Variants in SRL observed in about 807,000 individuals in gnomAD.
SRL encodes sarcalumenin.
In SRL, 23 loss-of-function variants were observed where a neutral mutation model predicts 39.5. That is an observed-to-expected ratio of 0.58 (90% confidence interval 0.42 to 0.82). The LOEUF (loss-of-function observed/expected upper bound fraction) is 0.82. Among genes scored for constraint, SRL ranks in the 40% least tolerant of loss-of-function variants. The pLI is 0.00. For synonymous variants in SRL, 272 were observed against 237.4 expected, an observed-to-expected ratio of 1.15 and a Z score of -1.34; for missense variants, 592 against 607.8, an observed-to-expected ratio of 0.97 and a Z score of 0.27.
intron 1 of SRL, among the ~76,000 whole-genome samples, chr16:4,217,169 G>A (rs75827471): frequency 0.011 from 1,619 of 152,214 alleles, 16 homozygotes; most frequent in Non-Finnish European, 0.018. Flanking sequence ...CTTTCTTCCT[G>A]GGGCTGAGGC....
rs1329499228 is a variant in SRL at position 4,192,668 on chromosome 16, G to C, written c.907C>G (p.His303Asp). The change falls in exon 6 of 6, where the codon CAT (histidine) becomes GAT (aspartate). Residue 303 changes from histidine (H) to aspartate (D), a missense_variant. His to Asp is a moderately conservative substitution (Grantham distance 81, BLOSUM62 -1). Transcript: ENST00000399609. The surrounding 1 kb of genome is among the most constrained non-coding windows in gnomAD (Gnocchi z 4.0). ...TCTTCTTGGAGGAACAGTTCCTGAT[G>C]GGTGTCCGGCTTATACTCTTGTGGC... Reference protein sequence around the residue: ...FWPQEYKPDTHQELFLQEEIS... With the variant: ...FWPQEYKPDTDQELFLQEEIS... The C allele has an allele frequency of 3.1e-6, 5 of 1,614,132 alleles. No individual in the cohort carries two copies. The highest frequency in any genetic ancestry group is 4.2e-6 in the Non-Finnish European group (5 of 1,180,038).
chr16:4,221,574 C>T (rs1007967525), intron 1 of SRL, among the ~76,000 whole-genome samples: 3 of 152,176 alleles, frequency 2.0e-5, no homozygotes, highest in South Asian at 2.1e-4. Context: ...CTTAGTGGGC[C>T]GGCCTGGCCA....
intron 1 of SRL, among the ~76,000 whole-genome samples, chr16:4,229,631 T>C (rs1037230126): frequency 6.6e-6 from 1 of 151,250 alleles, no homozygotes; most frequent in Non-Finnish European, 1.5e-5. Context: ...GACTACTAGA[T>C]GGGGGAGTGA....
chr16:4,229,206 A>G (rs1447493271), intron 1 of SRL, among the ~76,000 whole-genome samples: 24 of 152,076 alleles, frequency 1.6e-4, no homozygotes, highest in African/African-American at 5.5e-4. Flanking sequence ...CACTTTGGGA[A>G]GCCGAGGCGG....
At chr16:4,238,740 G>A (rs11861825) in intron 1 of SRL, among the ~76,000 whole-genome samples, 51,131 of 150,476 alleles carry the variant, frequency 0.34, 11,217 homozygotes, top group African/African-American at 0.63. Flanking sequence ...CTCCCCCCTC[G>A]GCCTCTCAAG....
At chr16:4,235,089 GC>G (rs1267191943) in intron 1 of SRL, among the ~76,000 whole-genome samples, 1 of 152,198 alleles carries the variant, frequency 6.6e-6, no homozygotes, top group Admixed American at 6.5e-5. Flanking sequence ...CGGAGCAGGG[GC>G]CCAGCCTGAG....
intron 1 of SRL, among the ~76,000 whole-genome samples, chr16:4,220,907 G>GC (rs1344019804): frequency 2.6e-5 from 4 of 151,978 alleles, no homozygotes; most frequent in Non-Finnish European, 5.9e-5. Flanking sequence ...GATCGCTTGA[G>GC]CCCAGGAGTT....
At chr16:4,209,955 C>A (rs1472679437) in intron 1 of SRL, among the ~76,000 whole-genome samples, 2 of 152,188 alleles carry the variant, frequency 1.3e-5, no homozygotes, top group African/African-American at 4.8e-5. Flanking sequence ...GGGACCCCTT[C>A]CTGCTGGAAT....
At chr16:4,227,731 C>A (rs1175663001) in intron 1 of SRL, among the ~76,000 whole-genome samples, 4 of 152,142 alleles carry the variant, frequency 2.6e-5, no homozygotes, top group African/African-American at 7.2e-5. Context: ...TGTCCTCAGG[C>A]CATGTCACCT....
chr16:4,227,033 CTGAT>C (rs1266136791), intron 1 of SRL, among the ~76,000 whole-genome samples: 2 of 99,918 alleles, frequency 2.0e-5, no homozygotes, highest in Non-Finnish European at 3.9e-5. Flanking sequence ...GAAGAATGGA[CTGAT>C]GGATGGATGG....
chr16:4,194,746 G>A (rs558952783), intron 5 of SRL, among the ~76,000 whole-genome samples: 1 of 152,194 alleles, frequency 6.6e-6, no homozygotes, highest in African/African-American at 2.4e-5. Flanking sequence ...TGGGGAGGTA[G>A]GAGCACCAGG....
intron 1 of SRL, among the ~76,000 whole-genome samples, chr16:4,224,857 A>G (rs1266967007): frequency 6.6e-6 from 1 of 152,246 alleles, no homozygotes; most frequent in Non-Finnish European, 1.5e-5. Flanking sequence ...CCATCAGTAG[A>G]TCAATGGATA....
chr16:4,238,790 T>G (rs1439558219), intron 1 of SRL, among the ~76,000 whole-genome samples: 1 of 129,994 alleles, frequency 7.7e-6, no homozygotes, highest in African/African-American at 3.8e-5. Context: ...ACCGAGCTAT[T>G]TTTTTTTTTT....
chr16:4,234,525 G>A (rs1348078432), intron 1 of SRL, among the ~76,000 whole-genome samples: 1 of 152,188 alleles, frequency 6.6e-6, no homozygotes. Flanking sequence ...GGATGAGGGA[G>A]GCTGAAAATA....
At chr16:4,227,326 T>G (rs2052604760) in intron 1 of SRL, among the ~76,000 whole-genome samples, 1 of 149,926 alleles carries the variant, frequency 6.7e-6, no homozygotes, top group African/African-American at 2.5e-5. Flanking sequence ...GATGCATGGA[T>G]AGATGGGTGG....
At chr16:4,234,073 C>T (rs1260928622) in intron 1 of SRL, among the ~76,000 whole-genome samples, 1 of 152,094 alleles carries the variant, frequency 6.6e-6, no homozygotes, top group Non-Finnish European at 1.5e-5. Flanking sequence ...TGGCTCACTG[C>T]AACTTCGACC....
chr16:4,206,946 T>C, intron 1 of SRL: 1 of 456,002 alleles, frequency 2.2e-6, no homozygotes, highest in South Asian at 1.5e-5. Flanking sequence ...TTCCTGGGGA[T>C]CCCCACCTTC....
intron 1 of SRL, among the ~76,000 whole-genome samples, chr16:4,227,957 C>T (rs557583831): frequency 1.3e-5 from 2 of 152,292 alleles, no homozygotes; most frequent in African/African-American, 2.4e-5. Context: ...AAGGGCTGAG[C>T]GAAGGAGCCC....
rs142310213 is a variant in SRL at position 4,221,072 on chromosome 16, G to A, written c.62-16438C>T. Among the ~76,000 whole-genome samples, 212 of 150,290 alleles carry A rather than the reference G, an allele frequency of 1.4e-3. 1 individual carries two copies. Among genetic ancestry groups the A allele is most frequent in the African/African-American group, 4.9e-3 (202 of 40,870 alleles). ...TCCATTATTTTTTTTTTTTCGATACGGAGTCTCACTTTGTCGCTCAGGCTG... is the reference window on the plus strand; with the variant it reads ...TCCATTATTTTTTTTTTTTCGATACAGAGTCTCACTTTGTCGCTCAGGCTG... On this transcript the variant is annotated intron_variant, in intron 1 of 5. Coordinates refer to ENST00000399609, the MANE Select transcript of SRL (RefSeq NM_001098814.2).
Sources: gnomAD v4.1 joint callset for allele counts (sites outside exome capture counted in the v4.1 genomes callset) on GRCh38, gnomAD v4.1.1 for gene constraint, Gnocchi (gnomAD v3.1) non-coding constraint, MANE v1.5 for transcripts, NCBI Gene and HGNC (gene_info 2026-07-23, HGNC 2026-07-21) for gene names.